The following IQGAP1 variants were observed in gnomAD, a reference collection of about 807,000 sequenced individuals.
The protein encoded by IQGAP1 is IQ motif containing GTPase activating protein 1.
Under a neutral mutation model 215.6 loss-of-function variants are expected in IQGAP1, and 66 were observed. The ratio of observed to expected loss-of-function variants is 0.31; its 90% CI spans 0.25 to 0.38. IQGAP1 has a LOEUF of 0.38. Among genes scored for constraint, IQGAP1 ranks in the 10% least tolerant of loss-of-function variants. IQGAP1 has a pLI of 1.00. For missense variants in IQGAP1, 1,712 were observed against 1,997.1 expected (o/e 0.86, Z 2.72); for synonymous variants, 772 against 728.7 (o/e 1.06, Z -0.96).
chr15:90,400,753 A>G (rs1244562904), intron 2 of IQGAP1, among the ~76,000 whole-genome samples: 1 of 152,234 alleles, frequency 6.6e-6, no homozygotes, highest in African/African-American at 2.4e-5. Flanking sequence ...CCCTAATGAC[A>G]AAATAGTAAA....
intron 2 of IQGAP1, among the ~76,000 whole-genome samples, chr15:90,404,555 G>C (rs1025330279): frequency 6.6e-6 from 1 of 151,734 alleles, no homozygotes; most frequent in African/African-American, 2.4e-5. Context: ...GAGGAAATTG[G>C]CTCGTTGTAC....
intron 24 of IQGAP1, 25 bp downstream of exon 24, chr15:90,476,843 TA>T: frequency 6.3e-7 from 1 of 1,577,828 alleles, no homozygotes; most frequent in Non-Finnish European, 8.5e-7. Flanking sequence ...GAATCAGTGT[TA>T]TAAAAATTTA....
At chr15:90,418,536 G>A (rs962780934) in intron 2 of IQGAP1, among the ~76,000 whole-genome samples, 15 of 152,114 alleles carry the variant, frequency 9.9e-5, no homozygotes, top group Admixed American at 5.9e-4. Context: ...ACAGTGAGCC[G>A]TGTGATTGGG....
intron 2 of IQGAP1, among the ~76,000 whole-genome samples, chr15:90,404,042 T>C (rs2151004309): frequency 6.6e-6 from 1 of 152,346 alleles, no homozygotes; most frequent in South Asian, 2.1e-4. Context: ...TTCACAGTTT[T>C]AGTTTTCGGT....
At chr15:90,428,143 C>G (rs1397973003) in intron 3 of IQGAP1, among the ~76,000 whole-genome samples, 1 of 152,070 alleles carries the variant, frequency 6.6e-6, no homozygotes, top group African/African-American at 2.4e-5. Context: ...GCCATCATGG[C>G]TCACTGCAGC....
Position 90,472,976 on chromosome 15 carries a change from T to G in IQGAP1, c.2315T>G (p.Leu772Arg). The change falls in exon 19 of 38, where the codon CTG becomes CGG. Residue 772 changes from leucine to arginine, a missense_variant. By Grantham distance (102) the Leu-to-Arg change is moderately radical. Around this residue, in one of 2 missense-constraint regions of IQGAP1, gnomAD observed 1,021 missense variants for 1,074.2 expected, o/e 0.95. Transcript: ENST00000268182. ...RQEFRSRMNF[L>R]KKQIPAITCI... ...GAATTCCGATCCAGGATGAATTTCCTGAAGAAACAAATCCCTGCCATCACC... is the reference window on the plus strand; with the variant it reads ...GAATTCCGATCCAGGATGAATTTCCGGAAGAAACAAATCCCTGCCATCACC... The G allele has an allele frequency of 6.2e-7, 1 of 1,614,082 alleles. No homozygotes were observed. The highest frequency in any genetic ancestry group is 8.5e-7 in the Non-Finnish European group (1 of 1,179,992).
intron 26 of IQGAP1, among the ~76,000 whole-genome samples, chr15:90,478,711 G>A (rs141887236): frequency 5.1e-4 from 78 of 152,320 alleles, no homozygotes; most frequent in African/African-American, 1.8e-3. Flanking sequence ...AACACTCTAA[G>A]CTGGAGGGTG....
At chr15:90,473,689 T>C in intron 19 of IQGAP1, 26 bp from the exon 20 acceptor site, 1 of 1,526,790 alleles carries the variant, frequency 6.5e-7, no homozygotes, top group Non-Finnish European at 9.1e-7. Flanking sequence ...AAGTAATATG[T>C]CTTCTGTAAC....
intron 30 of IQGAP1, among the ~76,000 whole-genome samples, chr15:90,485,218 G>A (rs1242342281): frequency 1.3e-5 from 2 of 152,130 alleles, no homozygotes; most frequent in African/African-American, 4.8e-5. Context: ...ATTTCTGAGG[G>A]CATCACTGGG....
chr15:90,485,075 T>C (rs1966108465), intron 30 of IQGAP1, among the ~76,000 whole-genome samples: 1 of 152,178 alleles, frequency 6.6e-6, no homozygotes, highest in African/African-American at 2.4e-5. Context: ...TTGGAGTGGA[T>C]TTTTCCCTTG....
intron 33 of IQGAP1, 85 bp from the exon 34 acceptor site, chr15:90,491,247 TA>T (rs1336802219): frequency 8.9e-7 from 1 of 1,122,986 alleles, no homozygotes; most frequent in Non-Finnish European, 1.3e-6. Context: ...AAGAACTGTA[TA>T]AGTTCAGGTG....
Position 90,449,586 on chromosome 15 carries a change from G to C in IQGAP1, c.1105G>C (p.Glu369Gln). ...QSGQTDPLQK[E>Q]ELQSGVDAAN... ...TGGTCAGACTGACCCCCTGCAGAAG[G>C]AGGAGCTGCAGTCTGGAGTGGATGC... Residue 369 changes from glutamate (E) to glutamine (Q), a missense_variant, in exon 11 of 38, where the codon GAG becomes CAG. Glu to Gln is a conservative substitution (Grantham distance 29). This residue lies in a region of IQGAP1 where 1,021 missense variants were observed against 1,074.2 expected (regional missense o/e 0.95). Coordinates refer to ENST00000268182, the MANE Select transcript of IQGAP1 (RefSeq NM_003870.4). The C allele has an allele frequency of 6.2e-7, 1 of 1,613,104 alleles. No homozygotes were observed.
intron 2 of IQGAP1, among the ~76,000 whole-genome samples, chr15:90,414,882 T>C (rs868262940): frequency 6.6e-6 from 1 of 152,232 alleles, no homozygotes; most frequent in Admixed American, 6.5e-5. Context: ...TCTCCGGCTT[T>C]TGTGGGTGTC....
Position 90,500,963 on chromosome 15 carries a change from A to G in IQGAP1, c.*855A>G, listed in dbSNP as rs1268181904. 2 of 152,626 alleles carry G rather than the reference A, an allele frequency of 1.3e-5. No individual in the cohort carries two copies. Among genetic ancestry groups the G allele is most frequent in the African/African-American group, 4.8e-5 (2 of 41,462 alleles). 9.5% of individuals were successfully genotyped at this position (152,626 alleles called of 1,614,324 possible). On this transcript the variant is annotated 3_prime_UTR_variant, in exon 38 of 38. Transcript: ENST00000268182. The stretch of plus-strand genomic sequence containing the variant: ...TAATGTAGAATGTCATTGTTTTTAA[A>G]ACTGTTTTATATCTTAAGAGTGCCT...
intron 31 of IQGAP1, chr15:90,486,747 C>G (rs927426706): frequency 1.8e-6 from 1 of 546,192 alleles, no homozygotes; most frequent in East Asian, 3.2e-5. Flanking sequence ...AATGATTTCT[C>G]AAACATTTAT....
At chr15:90,466,722 G>C (rs1965838101) in intron 17 of IQGAP1, among the ~76,000 whole-genome samples, 1 of 151,764 alleles carries the variant, frequency 6.6e-6, no homozygotes, top group African/African-American at 2.4e-5. Context: ...TAAGCCTATA[G>C]GCAATTAAAA....
At chr15:90,441,763 T>G in intron 8 of IQGAP1, 79 bp downstream of exon 8, 1 of 1,000,960 alleles carries the variant, frequency 1.0e-6, no homozygotes, top group Non-Finnish European at 1.5e-6. Flanking sequence ...AAACATCAGT[T>G]TTATTGAGAT....
intron 18 of IQGAP1, among the ~76,000 whole-genome samples, chr15:90,468,048 TTTTG>T (rs113897373): frequency 2.3e-4 from 34 of 149,926 alleles, no homozygotes; most frequent in East Asian, 7.9e-4. Context: ...ATTCAACAGT[TTTTG>T]TTTGTTTGTT....
chr15:90,449,630 G>C lies in IQGAP1; in HGVS notation c.1149G>C (p.Gln383His). 6.2e-7 allele frequency: 1 copy of C among 1,611,532 alleles called. No individual in the cohort carries two copies. ...TGGATGCTGCAAACAGTGCTGCCCA[G>C]CAATATCAGAGAAGTAAGAGTCCAT... ...SGVDAANSAA[Q>H]QYQRRLAAVA... The change falls in exon 11 of 38, where the codon CAG (glutamine) becomes CAC (histidine). Residue 383 changes from glutamine (Q) to histidine (H), a missense_variant. This residue lies in a region of IQGAP1 where 1,021 missense variants were observed against 1,074.2 expected (regional missense o/e 0.95). Transcript: ENST00000268182.
Sources: allele counts gnomAD v4.1 joint callset (sites outside exome capture counted in the v4.1 genomes callset), GRCh38; gene constraint gnomAD v4.1.1; regional missense constraint gnomAD v4.1.1; transcripts MANE v1.5; gene names NCBI Gene and HGNC (gene_info 2026-07-23, HGNC 2026-07-21).